The following MAP4 variants were observed in gnomAD, a reference collection of about 807,000 sequenced individuals.
MAP4 encodes microtubule associated protein 4, also known as microtubule-associated protein 4.
A neutral mutation model predicts 170.2 loss-of-function variants in MAP4; 76 were observed. The ratio of observed to expected loss-of-function variants is 0.45; its 90% CI spans 0.37 to 0.54. MAP4 has a LOEUF of 0.54. MAP4 is among the 20% of genes least tolerant of loss of function. The pLI is 0.00. For missense variants in MAP4, 2,506 were observed against 2,748.0 expected, an observed-to-expected ratio of 0.91 and a Z score of 1.97; for synonymous variants, 909 against 994.5, an observed-to-expected ratio of 0.91 and a Z score of 1.62.
In MAP4 at chr3:47,883,585, T is replaced by C. The variant is rs75264993; in HGVS notation, c.5435-6062A>G. ...TTATTTCTGAAATTCCAAGCCTCCT[T>C]CTGTTACCAAATCTTATTTTTTTGG... is the stretch of plus-strand genomic sequence containing the variant. On this transcript the variant is annotated intron_variant, in intron 10 of 20. Transcript: ENST00000683076. Among the ~76,000 whole-genome samples the C allele has an allele frequency of 5.3e-4, 81 of 152,336 alleles. 4 individuals are homozygous for C. In the East Asian group the frequency reaches 0.013, roughly 24 times the overall value.
intron 1 of MAP4, among the ~76,000 whole-genome samples, chr3:48,050,848 T>C (rs2154548843): frequency 6.7e-6 from 1 of 148,822 alleles, no homozygotes; most frequent in Admixed American, 6.8e-5. Flanking sequence ...GAGGTTGCGG[T>C]GAGCTGAGAT....
intron 2 of MAP4, among the ~76,000 whole-genome samples, chr3:47,992,854 A>G (rs2100093178): frequency 1.3e-5 from 2 of 150,912 alleles, no homozygotes; most frequent in Non-Finnish European, 3.0e-5. Flanking sequence ...CAGTGAGCCG[A>G]GACTGTGCCA....
chr3:47,942,905 T>C (rs943432499), intron 3 of MAP4, among the ~76,000 whole-genome samples: 1 of 152,138 alleles, frequency 6.6e-6, no homozygotes, highest in Non-Finnish European at 1.5e-5. Context: ...AGCCCAGGCA[T>C]TGGAGACCAG....
In MAP4 at chr3:48,065,851, G is replaced by GC. The variant is rs1323704959; in HGVS notation, c.-20+22921dup. Among the ~76,000 whole-genome samples the GC allele has an allele frequency of 2.0e-5, 3 of 152,260 alleles. No homozygotes were observed. In the East Asian group the frequency reaches 5.8e-4, roughly 29 times the overall value. On this transcript the variant is annotated intron_variant, in intron 1 of 18. Coordinates refer to the MAP4 transcript ENST00000360240. ...GATAAGTTCAAGGCTGGACAGGGTG[G>GC]CTCACACCTGTAATTCCAGCACTTT...
At chr3:48,014,712 C>G (rs1267185753) in intron 1 of MAP4, among the ~76,000 whole-genome samples, 1 of 152,018 alleles carries the variant, frequency 6.6e-6, no homozygotes, top group African/African-American at 2.4e-5. Flanking sequence ...CTCACTTTTC[C>G]TAACCACTGT....
chr3:48,021,347 G>GT, upstream of MAP4, among the ~76,000 whole-genome samples: 1 of 151,082 alleles, frequency 6.6e-6, no homozygotes, highest in African/African-American at 2.4e-5. Flanking sequence ...GTTTTTGTTT[G>GT]TTTTTGTTTT....
intron 3 of MAP4, among the ~76,000 whole-genome samples, chr3:47,963,727 C>T (rs772377530): frequency 7.2e-5 from 11 of 152,186 alleles, no homozygotes; most frequent in Admixed American, 3.3e-4. Flanking sequence ...AAACAAAAGC[C>T]CTGTCCCTCT....
chr3:47,857,575 G>C, intron 17 of MAP4, 63 bp from the exon 18 acceptor site: 1 of 1,106,806 alleles, frequency 9.0e-7, no homozygotes, highest in South Asian at 1.3e-5. Context: ...CCAACCCCAT[G>C]CTACCTTTTA....
rs957971841 is a variant in MAP4 at position 47,891,082 on chromosome 3, A to G, written c.5434+11868T>C. On this transcript the variant is annotated intron_variant, in intron 10 of 20. Coordinates refer to ENST00000683076, the MANE Select transcript of MAP4 (RefSeq NM_001385682.1). ...GAGTGCTCTGGGTTGCAGTGACCTC[A>G]ATTTCTTTCTTCCCTGCCAGAGCCG... The G allele has an allele frequency of 3.9e-6, 6 of 1,533,840 alleles. No individual in the cohort carries two copies. The African/African-American group carries it at 8.3e-5, about 21-fold the overall frequency.
In MAP4 at chr3:47,912,024, A is replaced by C. The variant is rs1449323943; in HGVS notation, c.2397T>G (p.Gly799=). 1 of 1,535,906 alleles carries C rather than the reference A, an allele frequency of 6.5e-7. No homozygotes were observed. The highest frequency in any genetic ancestry group is 1.4e-5 in the African/African-American group (1 of 73,010). ...SDDDNADKPK[G]HPFAADTQKS... The stretch of plus-strand genomic sequence containing the variant: ...TTTGTGTGTCAGCTGCAAATGGATG[A>C]CCTTTAGGCTTATCTGCATTGTCAT... Residue 799 remains glycine, a synonymous_variant, in exon 9 of 21, where the codon GGT becomes GGG. Coordinates refer to ENST00000683076, the MANE Select transcript of MAP4 (RefSeq NM_001385682.1).
At chr3:47,940,295 T>A (rs1442562265) in intron 3 of MAP4, among the ~76,000 whole-genome samples, 1 of 152,192 alleles carries the variant, frequency 6.6e-6, no homozygotes, top group Admixed American at 6.5e-5. Flanking sequence ...CACTCCCACA[T>A]CTTTATTCAA....
chr3:48,070,408 T>C (rs1262509210), intron 1 of MAP4, among the ~76,000 whole-genome samples: 1 of 152,034 alleles, frequency 6.6e-6, no homozygotes, highest in African/African-American at 2.4e-5. Context: ...CTCCATCTTC[T>C]TCAATTTTAA....
chr3:47,998,960 GAAAC>G, intron 1 of MAP4, 81 bp from the exon 2 acceptor site: 1 of 807,212 alleles, frequency 1.2e-6, no homozygotes, highest in South Asian at 1.6e-5. Context: ...TCAATTGTTT[GAAAC>G]AAACAAAAGA....
intron 1 of MAP4, among the ~76,000 whole-genome samples, chr3:48,056,131 C>T (rs1373306093): frequency 4.4e-4 from 65 of 146,654 alleles, no homozygotes; most frequent in Non-Finnish European, 7.7e-4. Flanking sequence ...GTCAGCCCCC[C>T]GCCCGGCCAG....
intron 9 of MAP4, among the ~76,000 whole-genome samples, chr3:47,905,991 T>C (rs768888584): frequency 6.7e-6 from 1 of 149,346 alleles, no homozygotes; most frequent in African/African-American, 2.5e-5. Context: ...TGAAACTCCA[T>C]CTCAAAAAAC....
chr3:47,927,671 C>T (rs1179804644), intron 4 of MAP4, among the ~76,000 whole-genome samples: 1 of 152,162 alleles, frequency 6.6e-6, no homozygotes, highest in Non-Finnish European at 1.5e-5. Context: ...GACAGCGTTT[C>T]TCCATGTTGG....
intron 18 of MAP4, among the ~76,000 whole-genome samples, chr3:47,856,516 A>AT (rs1477783997): frequency 4.0e-5 from 6 of 151,430 alleles, no homozygotes; most frequent in Non-Finnish European, 8.8e-5. Context: ...GTGCAGTGCC[A>AT]TACTCTCGCC....
intron 17 of MAP4, among the ~76,000 whole-genome samples, chr3:47,860,730 G>T (rs901576492): frequency 6.6e-6 from 1 of 152,158 alleles, no homozygotes; most frequent in Non-Finnish European, 1.5e-5. Context: ...AATGAGACAT[G>T]AATGTAATTT....
chr3:47,954,207 G>C (rs889863093), intron 3 of MAP4, among the ~76,000 whole-genome samples: 3 of 152,076 alleles, frequency 2.0e-5, no homozygotes, highest in African/African-American at 7.2e-5. Context: ...TAAGGTCTCT[G>C]TCACAACCCC....
Sources: allele counts gnomAD v4.1 joint callset (sites outside exome capture counted in the v4.1 genomes callset), GRCh38; gene constraint gnomAD v4.1.1; transcripts MANE v1.5; gene names NCBI Gene and HGNC (gene_info 2026-07-23, HGNC 2026-07-21).